AMZ1: variants seen among roughly 807,000 people sequenced by gnomAD.
AMZ1 encodes archaemetzincin-1.
Under a neutral mutation model 29.9 loss-of-function variants are expected in AMZ1, and 39 were observed. That is an observed-to-expected ratio of 1.30 (90% CI 1.01 to 1.70). The LOEUF (loss-of-function observed/expected upper bound fraction) is 1.70. Among genes scored for constraint, AMZ1 ranks in the 40% most tolerant of loss-of-function variants. The pLI, the probability that AMZ1 is intolerant of heterozygous loss-of-function variation, is 0.00. For missense variants in AMZ1, 1,041 were observed against 680.6 expected, an observed-to-expected ratio of 1.53 and a Z score of -5.89; for synonymous variants, 458 against 304.0, an observed-to-expected ratio of 1.51 and a Z score of -5.27.
chr7:2,763,089 G>T (rs1791645526), upstream of AMZ1: 2 of 1,250,152 alleles, frequency 1.6e-6, no homozygotes, highest in African/African-American at 3.1e-5. Context: ...CCTTGAGTGA[G>T]AGACCACAAG....
rs771028590 is a variant in AMZ1, at chr7:2,700,527, G to A, written c.76G>A (p.Ala26Thr). The A allele has an allele frequency of 7.5e-6, 12 of 1,608,226 alleles. No individual in the cohort carries two copies. Among genetic ancestry groups the A allele is most frequent in the Middle Eastern group, 3.3e-4 (2 of 6,062 alleles). The change falls in exon 2 of 7, where the codon GCA (alanine) becomes ACA (threonine). Residue 26 changes from alanine (A) to threonine (T), a missense_variant. Physicochemically the swap from Ala to Thr is moderately conservative, Grantham distance 58. Transcript: ENST00000683327. ...ALKDALVSTD[A>T]ALQQLYVSAF... The stretch of plus-strand genomic sequence containing the variant: ...GAAGGACGCTCTGGTCTCCACTGAC[G>A]CAGCCCTGCAGCAGCTGTATGTGTC...
chr7:2,762,346 A>G (rs1791600379), upstream of AMZ1: 1 of 375,352 alleles, frequency 2.7e-6, no homozygotes, highest in East Asian at 4.3e-5. Context: ...CTGGACACAC[A>G]CGATCCCACC....
chr7:2,706,978 C>T (rs1417718707), intron 3 of AMZ1, among the ~76,000 whole-genome samples: 1 of 152,144 alleles, frequency 6.6e-6, no homozygotes, highest in Non-Finnish European at 1.5e-5. Context: ...GATGTTATCT[C>T]AAAAACAAAC....
chr7:2,733,478 C>G, intron 4 of AMZ1: 1 of 1,613,896 alleles, frequency 6.2e-7, no homozygotes. Flanking sequence ...CCAAGTTGTC[C>G]AGGAAGTACT....
At chr7:2,762,982 C>T (rs950651231), upstream of AMZ1, 4 of 1,341,234 alleles carry the variant, frequency 3.0e-6, no homozygotes, top group Admixed American at 3.8e-5. Context: ...CAGAAAGAGC[C>T]CTTGTGTGCT....
At chr7:2,686,793 C>A (rs1787094661), upstream of AMZ1, among the ~76,000 whole-genome samples, 1 of 151,820 alleles carries the variant, frequency 6.6e-6, no homozygotes, top group African/African-American at 2.4e-5. Flanking sequence ...CGGCTCACTG[C>A]AACCTCCGCC....
downstream of AMZ1, among the ~76,000 whole-genome samples, chr7:2,724,575 C>T (rs557876863): frequency 1.4e-5 from 2 of 146,192 alleles, no homozygotes; most frequent in East Asian, 2.2e-4. Flanking sequence ...GGCTGTGTGT[C>T]GGCCCGGCAG....
At chr7:2,747,210 A>G (rs1259133170) in intron 4 of AMZ1, among the ~76,000 whole-genome samples, 2 of 152,222 alleles carry the variant, frequency 1.3e-5, no homozygotes, top group East Asian at 3.8e-4. Context: ...TGGCAGAGAC[A>G]CAACCAAAAA....
rs533033069 is a variant in AMZ1, at chr7:2,735,912, C to T, written n.550+26096C>T. Among the ~76,000 whole-genome samples, 4 of 152,224 alleles carry T rather than the reference C, an allele frequency of 2.6e-5. No homozygotes were observed. In the South Asian group the frequency reaches 6.2e-4, roughly 24 times the overall value. On this transcript the variant is annotated intron_variant and non_coding_transcript_variant, in intron 4 of 4. Coordinates refer to the AMZ1 transcript ENST00000489665. ...CTGGAGGGGAGGGAAGAAGGGGACA[C>T]AGAGCAACCCTGTGTGATCCAGAAC...
intron 1 of AMZ1, among the ~76,000 whole-genome samples, chr7:2,698,969 T>C (rs1270924383): frequency 1.3e-5 from 2 of 152,160 alleles, no homozygotes; most frequent in Admixed American, 6.6e-5. Flanking sequence ...GTTTTGCGTG[T>C]CTAGCTCAGC....
intron 3 of AMZ1, among the ~76,000 whole-genome samples, chr7:2,707,879 A>T (rs1348173524): frequency 7.4e-6 from 1 of 135,418 alleles, no homozygotes; most frequent in African/African-American, 2.9e-5. Context: ...GCTAGAGGGC[A>T]GTGGCGTGAT....
At chr7:2,750,796 G>A (rs902542633) in intron 4 of AMZ1, among the ~76,000 whole-genome samples, 3 of 152,218 alleles carry the variant, frequency 2.0e-5, no homozygotes, top group African/African-American at 7.2e-5. Flanking sequence ...AACACAGTGT[G>A]AAGTTACAAA....
chr7:2,704,611 TTTTA>T (rs1352815325), intron 3 of AMZ1, among the ~76,000 whole-genome samples: 5 of 134,440 alleles, frequency 3.7e-5, no homozygotes, highest in Admixed American at 7.2e-5. Context: ...TTTTTTTTTT[TTTTA>T]AGACGGAGTC....
intron 4 of AMZ1, among the ~76,000 whole-genome samples, chr7:2,734,054 G>C (rs2115292685): frequency 1.3e-5 from 2 of 152,332 alleles, no homozygotes; most frequent in African/African-American, 4.8e-5. Flanking sequence ...CAAACACAGG[G>C]GAATCTTCCA....
At chr7:2,743,893 G>A (rs1454840071) in intron 4 of AMZ1, among the ~76,000 whole-genome samples, 1 of 151,984 alleles carries the variant, frequency 6.6e-6, no homozygotes, top group Non-Finnish European at 1.5e-5. Flanking sequence ...GGCTCGGAGG[G>A]TCCTACACCC....
chr7:2,689,283 C>T (rs1245897183), intron 1 of AMZ1, among the ~76,000 whole-genome samples: 3 of 152,124 alleles, frequency 2.0e-5, no homozygotes, highest in Admixed American at 6.6e-5. Context: ...GTGCCCGGAG[C>T]TGTGCGGTTT....
chr7:2,721,873 G>A (rs1418498182), downstream of AMZ1, among the ~76,000 whole-genome samples: 1 of 152,196 alleles, frequency 6.6e-6, no homozygotes, highest in African/African-American at 2.4e-5. Context: ...TACAAAACAT[G>A]TTAAACTAAC....
chr7:2,706,781 C>T (rs1417119214), intron 3 of AMZ1, among the ~76,000 whole-genome samples: 1 of 152,212 alleles, frequency 6.6e-6, no homozygotes, highest in Non-Finnish European at 1.5e-5. Context: ...GGACTTCCAC[C>T]TGTCTTTTTG....
intron 4 of AMZ1, among the ~76,000 whole-genome samples, chr7:2,754,713 C>T (rs1054812102): frequency 2.6e-5 from 4 of 152,186 alleles, no homozygotes; most frequent in African/African-American, 9.7e-5. Context: ...CACACCACTA[C>T]ACTCCAGTCC....
Sources: gnomAD v4.1 joint callset for allele counts (sites outside exome capture counted in the v4.1 genomes callset) on GRCh38, gnomAD v4.1.1 for gene constraint, MANE v1.5 for transcripts, NCBI Gene and HGNC (gene_info 2026-07-23, HGNC 2026-07-21) for gene names.